Variants in RNF5 observed in about 807,000 individuals in gnomAD.
RNF5 encodes E3 ubiquitin-protein ligase RNF5.
In RNF5, 16 loss-of-function variants were observed where a neutral mutation model predicts 24.4. The observed-to-expected ratio is 0.66, with a 90% CI of 0.44 to 1.00. The LOEUF is 1.00. Ranked by LOEUF, RNF5 falls within the 50% of genes least tolerant of loss-of-function variation. The pLI, the probability that RNF5 is intolerant of heterozygous loss-of-function variation, is 0.00. For missense variants in RNF5, 185 were observed against 236.7 expected, an observed-to-expected ratio of 0.78 and a Z score of 1.43; for synonymous variants, 64 against 88.5, an observed-to-expected ratio of 0.72 and a Z score of 1.55.
chr6:32,179,434 C>A lies in RNF5; in HGVS notation c.141-107C>A. ...TTGCAGAAAATCTGAAAAGCAACAG[C>A]AGGTTGCTTGGGAAGAGGGGTTAGA... On this transcript the variant is annotated intron_variant, in intron 1 of 5. Transcript: ENST00000375094. The surrounding 1 kb of genome is among the most constrained non-coding windows in gnomAD (Gnocchi z 5.4). 2.9e-6 allele frequency: 4 copies of A among 1,366,846 alleles called. No individual in the cohort carries two copies. Among genetic ancestry groups the A allele is most frequent in the Non-Finnish European group, 4.1e-6 (4 of 965,154 alleles). 84.7% of individuals were successfully genotyped at this position (1,366,846 alleles called of 1,614,324 possible).
chr6:32,178,536 G>C lies in RNF5; in HGVS notation c.25G>C (p.Gly9Arg). ...CATGGCAGCAGCGGAGGAGGAGGAC[G>C]GGGGCCCCGAAGGGCCAAATCGCGA... MAAAEEEDGGPEGPNRERG... is the reference protein window; with the variant it reads MAAAEEEDRGPEGPNRERG... Residue 9 changes from glycine to arginine, a missense_variant, in exon 1 of 6, where the codon GGG (glycine) becomes CGG (arginine). Coordinates refer to ENST00000375094, the MANE Select transcript of RNF5 (RefSeq NM_006913.4). The C allele has an allele frequency of 6.2e-7, 1 of 1,606,056 alleles. No individual in the cohort carries two copies. Among genetic ancestry groups the C allele is most frequent in the Non-Finnish European group, 8.5e-7 (1 of 1,176,672 alleles).
intron 1 of RNF5, 54 bp downstream of exon 1, chr6:32,178,705 A>G: frequency 6.4e-7 from 1 of 1,562,600 alleles, no homozygotes; most frequent in Non-Finnish European, 8.7e-7. Flanking sequence ...TATACTGGAG[A>G]GGCTAGGAGC....
chr6:32,180,085 C>A lies in RNF5; in HGVS notation c.404C>A (p.Thr135Asn), dbSNP rs768240038. Residue 135 changes from threonine to asparagine, a missense_variant, in exon 5 of 6, where the codon ACC (threonine) becomes AAC (asparagine). Physicochemically the swap from Thr to Asn is moderately conservative, Grantham distance 65. Transcript: ENST00000375094. ...GGTGCTTTTCCCTTTGGCTTTTTCA[C>A]CACCGTCTTCAATGCCCATGAGCCT... ...GVGAFPFGFF[T>N]TVFNAHEPFR... The A allele has an allele frequency of 3.5e-5, 57 of 1,614,044 alleles. No homozygotes were observed. The highest frequency in any genetic ancestry group is 3.1e-5 in the Non-Finnish European group (36 of 1,180,048).
Position 32,180,068 on chromosome 6 carries a change from T to C in RNF5, c.387T>C (p.Phe129=). The C allele has an allele frequency of 6.2e-7, 1 of 1,614,198 alleles. No homozygotes were observed. The stretch of plus-strand genomic sequence containing the variant: ...ACTTCTCATTTGGTGTTGGTGCTTT[T>C]CCCTTTGGCTTTTTCACCACCGTCT... The part of the protein sequence containing the change: ...GFHFSFGVGA[F]PFGFFTTVFN... The change falls in exon 5 of 6, where the codon TTT becomes TTC. Residue 129 remains phenylalanine (F), a synonymous_variant. Transcript: ENST00000375094.
Position 32,180,110 on chromosome 6 carries a change from T to C in RNF5, c.429T>C (p.Pro143=), listed in dbSNP as rs1305983760. The C allele has an allele frequency of 2.5e-6, 4 of 1,613,908 alleles. No homozygotes were observed. The highest frequency in any genetic ancestry group is 3.3e-5 in the Admixed American group (2 of 60,008). ...CCACCGTCTTCAATGCCCATGAGCC[T>C]TTCCGCCGGGGTACAGGTAAGAGTC... The part of the protein sequence containing the change: ...FFTTVFNAHE[P]FRRGTGVDLG... Residue 143 remains proline, a synonymous_variant, in exon 5 of 6, where the codon CCT becomes CCC. Transcript: ENST00000375094.
chr6:32,178,675 G>T, intron 1 of RNF5, 24 bp downstream of exon 1: 1 of 1,606,450 alleles, frequency 6.2e-7, no homozygotes. Flanking sequence ...AGGGGGGCGG[G>T]AGGTGGTGGG....
In RNF5 at chr6:32,180,341, C is replaced by T. The variant is rs1376462742; in HGVS notation, c.*15C>T. ...TCAGTATTTGAGCTATGTCTGCTTCCTGCCCACCTCCAGCCAGAGAAGAAT... is the reference window on the plus strand; with the variant it reads ...TCAGTATTTGAGCTATGTCTGCTTCTTGCCCACCTCCAGCCAGAGAAGAAT... On this transcript the variant is annotated 3_prime_UTR_variant, in exon 6 of 6. Transcript: ENST00000375094. The T allele has an allele frequency of 1.9e-6, 3 of 1,595,490 alleles. No homozygotes were observed. Among genetic ancestry groups the T allele is most frequent in the Non-Finnish European group, 2.6e-6 (3 of 1,174,510 alleles).
In RNF5 at chr6:32,178,443, G is replaced by A. The variant is rs1482100104; in HGVS notation, c.-69G>A. On this transcript the variant is annotated 5_prime_UTR_variant, in exon 1 of 6. Coordinates refer to ENST00000375094, the MANE Select transcript of RNF5 (RefSeq NM_006913.4). ...CGATCGTGGGCAGGAGGTGGTTTCT[G>A]GTTTGTTGGGGCGTGTGTATGTGTA... The A allele has an allele frequency of 7.3e-7, 1 of 1,366,466 alleles. No homozygotes were observed. The highest frequency in any genetic ancestry group is 1.5e-5 in the African/African-American group (1 of 68,756). 84.6% of individuals were successfully genotyped at this position (1,366,466 alleles called of 1,614,324 possible).
chr6:32,179,643 C>G lies in RNF5; in HGVS notation c.160-8C>G, dbSNP rs1785911832. 6.6e-7 allele frequency: 1 copy of G among 1,503,892 alleles called. No individual in the cohort carries two copies. The highest frequency in any genetic ancestry group is 1.1e-5 in the South Asian group (1 of 88,616). 93.2% of individuals were successfully genotyped at this position (1,503,892 alleles called of 1,614,324 possible). A position where few individuals can be genotyped will look rare whatever the true frequency, so the allele number is the denominator to read the frequency against. On this transcript the variant is annotated splice_polypyrimidine_tract_variant and splice_region_variant and intron_variant, in intron 2 of 5. Transcript: ENST00000375094. The surrounding 1 kb of genome is among the most constrained non-coding windows in gnomAD (Gnocchi z 5.4). The stretch of plus-strand genomic sequence containing the variant: ...TTGTATACTGGAAACCACCTTTTTT[C>G]TCCCCAGTGGCTGGAGACACGGCCA...
rs1785910428 is a variant in RNF5, at chr6:32,179,633, C to T, written c.160-18C>T. 4 of 1,612,548 alleles carry T rather than the reference C, an allele frequency of 2.5e-6. No individual in the cohort carries two copies. Among genetic ancestry groups the T allele is most frequent in the Non-Finnish European group, 3.4e-6 (4 of 1,178,872 alleles). ...TAAGACCCTCTTGTATACTGGAAAC[C>T]ACCTTTTTTCTCCCCAGTGGCTGGA... On this transcript the variant is annotated intron_variant, in intron 2 of 5. Coordinates refer to ENST00000375094, the MANE Select transcript of RNF5 (RefSeq NM_006913.4). The surrounding 1 kb of genome is among the most constrained non-coding windows in gnomAD (Gnocchi z 5.4).
rs1785936417 is a variant in RNF5 at position 32,179,855 on chromosome 6, CTT to C, written c.273-20_273-19del. 1 of 1,614,110 alleles carries C rather than the reference CTT, an allele frequency of 6.2e-7. No individual in the cohort carries two copies. The highest frequency in any genetic ancestry group is 1.7e-5 in the Admixed American group (1 of 60,020). Reference sequence around the variant, plus strand: ...ATGGGAGGAGAAAAATCCCTGTTAACTTTCTCTCTCCACTTCCTCAGATTAAA... The same window carrying C: ...ATGGGAGGAGAAAAATCCCTGTTAACTCTCTCTCCACTTCCTCAGATTAAA... On this transcript the variant is annotated intron_variant, in intron 3 of 5. Coordinates refer to ENST00000375094, the MANE Select transcript of RNF5 (RefSeq NM_006913.4). The surrounding 1 kb of genome is among the most constrained non-coding windows in gnomAD (Gnocchi z 5.4).
At position 32,179,919 on chromosome 6, in the gene RNF5, G is replaced by A. The variant is rs3130349; in HGVS notation, c.315G>A (p.Pro105=). The A allele has an allele frequency of 0.17, 277,253 of 1,613,960 alleles. 25,823 individuals carry two copies. Among genetic ancestry groups the A allele is most frequent in the Non-Finnish European group, 0.19 (225,196 of 1,179,888 alleles). Residue 105 remains proline (P), a synonymous_variant, in exon 4 of 6, where the codon CCG becomes CCA. Transcript: ENST00000375094. This position sits in a 1 kb window ranked among gnomAD's most constrained non-coding sequence, Gnocchi z 5.4. ...PPRPQGQRPA[P]ESRGGFQPFG... is the part of the protein sequence containing the mutation. ...GCCCCCAGGGCCAGAGACCAGCTCC[G>A]GAGAGCAGAGGGGTGAGTCTTCTTG... is the stretch of plus-strand genomic sequence containing the variant.
In RNF5 at chr6:32,178,590, T is replaced by C; in HGVS notation, c.79T>C (p.Cys27Arg). ...ERGGAGATFE[C>R]NICLETAREA... ...GGGCGGGGCGGGCGCGACCTTCGAA[T>C]GTAATATATGTTTGGAGACTGCTCG... Residue 27 changes from cysteine (C) to arginine (R), a missense_variant, in exon 1 of 6, where the codon TGT becomes CGT. Transcript: ENST00000375094. 3.1e-6 allele frequency: 5 copies of C among 1,610,984 alleles called. No individual in the cohort carries two copies. The highest frequency in any genetic ancestry group is 4.2e-6 in the Non-Finnish European group (5 of 1,179,542).
rs986719330 is a variant in RNF5 at position 32,180,363 on chromosome 6, G to T, written c.*37G>T. On this transcript the variant is annotated 3_prime_UTR_variant, in exon 6 of 6. Coordinates refer to ENST00000375094, the MANE Select transcript of RNF5 (RefSeq NM_006913.4). ...TTCCTGCCCACCTCCAGCCAGAGAA[G>T]AATCAGTATTGAGGGTCCCTGCTGA... 16 of 1,574,350 alleles carry T rather than the reference G, an allele frequency of 1.0e-5. No homozygotes were observed. Among genetic ancestry groups the T allele is most frequent in the East Asian group, 2.2e-5 (1 of 44,762 alleles).
In RNF5 at chr6:32,179,191, A is replaced by T. The variant is rs190444026; in HGVS notation, c.141-350A>T. Among the ~76,000 whole-genome samples the T allele has an allele frequency of 6.6e-6, 1 of 152,108 alleles. No homozygotes were observed. The highest frequency in any genetic ancestry group is 6.5e-5 in the Admixed American group (1 of 15,276). On this transcript the variant is annotated intron_variant, in intron 1 of 5. Transcript: ENST00000375094. This position sits in a 1 kb window ranked among gnomAD's most constrained non-coding sequence, Gnocchi z 5.4. ...TAGTAAAGGGGTTTGGTTTGGAGTGATGGGGTTGGGGTTGAAAAGAGGAGA... is the reference window on the plus strand; with the variant it reads ...TAGTAAAGGGGTTTGGTTTGGAGTGTTGGGGTTGGGGTTGAAAAGAGGAGA...
chr6:32,179,397 G>A lies in RNF5; in HGVS notation c.141-144G>A. ...GCAGGAAGGCTAACTAAGTTGGCTG[G>A]CATGGTAGAGGTTGCAGAAAATCTG... On this transcript the variant is annotated intron_variant, in intron 1 of 5. Coordinates refer to ENST00000375094, the MANE Select transcript of RNF5 (RefSeq NM_006913.4). The surrounding 1 kb of genome is among the most constrained non-coding windows in gnomAD (Gnocchi z 5.4). The A allele has an allele frequency of 1.1e-6, 1 of 951,256 alleles. No individual in the cohort carries two copies. Among genetic ancestry groups the A allele is most frequent in the Non-Finnish European group, 1.7e-6 (1 of 598,120 alleles). 58.9% of individuals were successfully genotyped at this position (951,256 alleles called of 1,614,324 possible).
rs1785777787 is a variant in RNF5 at position 32,178,431 on chromosome 6, G to A, written c.-81G>A. On this transcript the variant is annotated 5_prime_UTR_variant, in exon 1 of 6. Transcript: ENST00000375094. The stretch of plus-strand genomic sequence containing the variant: ...AAGCCTGCCCAACGATCGTGGGCAG[G>A]AGGTGGTTTCTGGTTTGTTGGGGCG... 3 of 1,194,878 alleles carry A rather than the reference G, an allele frequency of 2.5e-6. No homozygotes were observed. In the South Asian group the frequency reaches 4.7e-5, roughly 19 times the overall value. 74.0% of individuals were successfully genotyped at this position (1,194,878 alleles called of 1,614,324 possible).
Position 32,179,877 on chromosome 6 carries a change from A to AT in RNF5, c.275dup (p.Leu92PhefsTer25). On this transcript the variant is annotated frameshift_variant and splice_region_variant, in exon 4 of 6. Coordinates refer to ENST00000375094, the MANE Select transcript of RNF5 (RefSeq NM_006913.4). LOFTEE classifies it high-confidence loss of function. This position sits in a 1 kb window ranked among gnomAD's most constrained non-coding sequence, Gnocchi z 5.4. ...TAACTTTCTCTCTCCACTTCCTCAGATTAAAAACTCCACCCCGCCCCCAGG... is the reference window on the plus strand; with the variant it reads ...TAACTTTCTCTCTCCACTTCCTCAGATTTAAAAACTCCACCCCGCCCCCAGG... 6.2e-7 allele frequency: 1 copy of AT among 1,614,148 alleles called. No individual in the cohort carries two copies. The highest frequency in any genetic ancestry group is 8.5e-7 in the Non-Finnish European group (1 of 1,180,014).
rs1785894607 is a variant in RNF5, at chr6:32,179,526, T to C, written c.141-15T>C. ...TAGCTAGTTTGACCTTTTTTTTTTT[T>C]TCTCCCCCATCCAGTTGGCCATGTC... On this transcript the variant is annotated splice_polypyrimidine_tract_variant and intron_variant, in intron 1 of 5. Transcript: ENST00000375094. The surrounding 1 kb of genome is among the most constrained non-coding windows in gnomAD (Gnocchi z 5.4). 6.2e-7 allele frequency: 1 copy of C among 1,613,612 alleles called. No individual in the cohort carries two copies. Among genetic ancestry groups the C allele is most frequent in the African/African-American group, 1.3e-5 (1 of 74,844 alleles).
Sources: gnomAD v4.1 joint callset for allele counts (sites outside exome capture counted in the v4.1 genomes callset) on GRCh38, gnomAD v4.1.1 for gene constraint, Gnocchi (gnomAD v3.1) non-coding constraint, MANE v1.5 for transcripts, NCBI Gene and HGNC (gene_info 2026-07-23, HGNC 2026-07-21) for gene names.